Variants in CARMIL1 observed in about 807,000 individuals in gnomAD.
The protein encoded by CARMIL1 is F-actin-uncapping protein LRRC16A.
In CARMIL1, 90 loss-of-function variants were observed where a neutral mutation model predicts 177.1. The ratio of observed to expected loss-of-function variants is 0.51; its 90% confidence interval spans 0.43 to 0.61. The LOEUF (loss-of-function observed/expected upper bound fraction) is 0.61, where lower values mean the gene tolerates loss of function less well. CARMIL1 is among the 20% of genes least tolerant of loss of function. The probability of loss-of-function intolerance (pLI) is 0.00; values close to 1 mark genes in which losing one functional copy is unlikely to be tolerated. For synonymous variants in CARMIL1, 577 were observed against 606.2 expected (o/e 0.95, Z 0.71); for missense variants, 1,380 against 1,667.0 (o/e 0.83, Z 3.00).
chr6:25,359,854 C>G (rs1789001318), intron 2 of CARMIL1, among the ~76,000 whole-genome samples: 1 of 152,082 alleles, frequency 6.6e-6, no homozygotes, highest in African/African-American at 2.4e-5. Context: ...AAGGTTTAGC[C>G]AAGTCTGGCT....
At chr6:25,497,390 CT>C (rs1803841560) in intron 16 of CARMIL1, among the ~76,000 whole-genome samples, 1 of 152,128 alleles carries the variant, frequency 6.6e-6, no homozygotes, top group Non-Finnish European at 1.5e-5. Flanking sequence ...CCCCAAATCA[CT>C]GTTGAAGATT....
intron 2 of CARMIL1, among the ~76,000 whole-genome samples, chr6:25,412,099 A>G (rs1467516469): frequency 6.6e-6 from 1 of 152,202 alleles, no homozygotes; most frequent in Non-Finnish European, 1.5e-5. Flanking sequence ...AAATCTGGAT[A>G]ACTCTCTTCT....
chr6:25,403,889 A>G (rs1354555028), intron 2 of CARMIL1, among the ~76,000 whole-genome samples: 2 of 152,216 alleles, frequency 1.3e-5, no homozygotes, highest in Non-Finnish European at 2.9e-5. Flanking sequence ...TCTCCTTTGA[A>G]TGAAATATAA....
At chr6:25,413,256 T>C (rs1481204846) in intron 2 of CARMIL1, among the ~76,000 whole-genome samples, 5 of 152,186 alleles carry the variant, frequency 3.3e-5, no homozygotes, top group Admixed American at 3.3e-4. Flanking sequence ...CATCATTTAG[T>C]TTGCTTGCAA....
At chr6:25,548,385 T>A (rs76691998) in intron 26 of CARMIL1, among the ~76,000 whole-genome samples, 184 of 152,326 alleles carry the variant, frequency 1.2e-3, no homozygotes, top group African/African-American at 3.9e-3. Flanking sequence ...TGTTATTGTT[T>A]GAGTGGGGAG....
At chr6:25,289,973 C>T (rs189756838) in intron 2 of CARMIL1, among the ~76,000 whole-genome samples, 1 of 152,300 alleles carries the variant, frequency 6.6e-6, no homozygotes, top group East Asian at 1.9e-4. Context: ...ATGGGAATTG[C>T]GTGTTTACTT....
intron 23 of CARMIL1, among the ~76,000 whole-genome samples, chr6:25,527,100 A>C (rs188102003): frequency 4.6e-5 from 7 of 152,262 alleles, no homozygotes; most frequent in Admixed American, 4.6e-4. Flanking sequence ...GAGATGTCTG[A>C]CTAGCTCTAG....
chr6:25,616,220 C>A (rs1816877686), intron 36 of CARMIL1, among the ~76,000 whole-genome samples: 1 of 152,014 alleles, frequency 6.6e-6, no homozygotes, highest in African/African-American at 2.4e-5. Flanking sequence ...CTCAAGCTGC[C>A]TAAGAGGAGG....
intron 26 of CARMIL1, 81 bp from the exon 27 acceptor site, chr6:25,550,829 A>T (rs2151164668): frequency 7.6e-7 from 1 of 1,319,862 alleles, no homozygotes; most frequent in South Asian, 1.3e-5. Flanking sequence ...TCCGTGTCAT[A>T]TATAACCACC....
rs9784779 is a variant in CARMIL1, at chr6:25,296,803, G to A, written c.138+11894G>A. Among the ~76,000 whole-genome samples the A allele has an allele frequency of 6.9e-3, 1,047 of 152,312 alleles. 17 individuals are homozygous for A. Among genetic ancestry groups the A allele is most frequent in the African/African-American group, 0.024 (991 of 41,576 alleles). On this transcript the variant is annotated intron_variant, in intron 2 of 36. Coordinates refer to ENST00000329474, the MANE Select transcript of CARMIL1 (RefSeq NM_017640.6). ...TGTCATAGGCATGACCTGAAGAGAA[G>A]CAGCTGTGCTTTGTTTTTTGCTAAG...
chr6:25,455,282 C>T (rs1166530124), intron 8 of CARMIL1, among the ~76,000 whole-genome samples: 2 of 152,192 alleles, frequency 1.3e-5, no homozygotes, highest in African/African-American at 4.8e-5. Context: ...CCTGACTGGC[C>T]ATCATCCAAA....
intron 12 of CARMIL1, 87 bp from the exon 13 acceptor site, chr6:25,488,395 A>G (rs547615621): frequency 2.5e-4 from 236 of 930,860 alleles, no homozygotes; most frequent in Admixed American, 3.9e-4. Flanking sequence ...CTGCAATTTG[A>G]TGGAAGTGTT....
intron 2 of CARMIL1, among the ~76,000 whole-genome samples, chr6:25,358,856 A>G (rs1236580324): frequency 6.6e-6 from 1 of 152,220 alleles, no homozygotes; most frequent in African/African-American, 2.4e-5. Context: ...TAACAACTTG[A>G]GAAGGATTCA....
In CARMIL1 at chr6:25,600,533, C is replaced by T. The variant is rs776350349; in HGVS notation, c.3339C>T (p.Ala1113=). The part of the protein sequence containing the change: ...PVDCPRKDTK[A]AEHNGNSERI... ...ACTGTCCCAGGAAGGACACAAAGGC[C>T]GCCGAGCACAATGGCAATTCTGAAC... is the stretch of plus-strand genomic sequence containing the variant. The change falls in exon 33 of 37, where the codon GCC becomes GCT. Residue 1113 remains alanine, a synonymous_variant. Transcript: ENST00000329474. The T allele has an allele frequency of 1.4e-5, 22 of 1,613,862 alleles. No individual in the cohort carries two copies. The highest frequency in any genetic ancestry group is 2.7e-5 in the African/African-American group (2 of 74,892).
chr6:25,443,068 C>A (rs1004391816), intron 5 of CARMIL1, among the ~76,000 whole-genome samples: 12 of 152,190 alleles, frequency 7.9e-5, no homozygotes, highest in African/African-American at 2.9e-4. Flanking sequence ...ATCAAAAGAG[C>A]ATGGCCTGCA....
chr6:25,447,801 G>A (rs1296837991), intron 5 of CARMIL1, among the ~76,000 whole-genome samples: 1 of 151,854 alleles, frequency 6.6e-6, no homozygotes. Flanking sequence ...CTCCAGACTG[G>A]GGGTGGCTTG....
At chr6:25,519,039 A>G (rs546217520) in intron 22 of CARMIL1, among the ~76,000 whole-genome samples, 111 of 152,330 alleles carry the variant, frequency 7.3e-4, no homozygotes, top group Middle Eastern at 3.4e-3. Flanking sequence ...AAGCTACTCT[A>G]TAAGTTGGAC....
At chr6:25,553,275 T>G (rs1286641798) in intron 27 of CARMIL1, among the ~76,000 whole-genome samples, 1 of 152,210 alleles carries the variant, frequency 6.6e-6, no homozygotes, top group Admixed American at 6.5e-5. Context: ...ATTAAGATAT[T>G]CAGACCGAGA....
chr6:25,375,910 A>T (rs183869371), intron 2 of CARMIL1, among the ~76,000 whole-genome samples: 1 of 151,988 alleles, frequency 6.6e-6, no homozygotes, highest in Non-Finnish European at 1.5e-5. Flanking sequence ...CAATTTCTTT[A>T]TGCTGATTTT....
Sources: allele counts gnomAD v4.1 joint callset (sites outside exome capture counted in the v4.1 genomes callset), GRCh38; gene constraint gnomAD v4.1.1; transcripts MANE v1.5; gene names NCBI Gene and HGNC (gene_info 2026-07-23, HGNC 2026-07-21).